Variants in DMXL1 observed in about 807,000 individuals in gnomAD.
DMXL1 encodes the protein Dmx like 1, also known as dmX-like protein 1.
In DMXL1, 99 loss-of-function variants were observed where a neutral mutation model predicts 319.2. The ratio of observed to expected loss-of-function variants is 0.31; its 90% CI spans 0.26 to 0.37. DMXL1 has a LOEUF of 0.37. DMXL1 is among the 10% of genes least tolerant of loss of function. The pLI is 1.00. For missense variants in DMXL1, 3,745 were observed against 3,595.6 expected, an observed-to-expected ratio of 1.04 and a Z score of -1.06; for synonymous variants, 1,385 against 1,235.2, an observed-to-expected ratio of 1.12 and a Z score of -2.54.
rs149986724 is a variant in DMXL1 at position 119,149,134 on chromosome 5, A to G, written c.3307A>G (p.Ser1103Gly). Residue 1103 changes from serine to glycine, a missense_variant, in exon 18 of 44, where the codon AGC (serine) becomes GGC (glycine). By Grantham distance (56) the Ser-to-Gly change is moderately conservative. Around this residue, in one of 4 missense-constraint regions of DMXL1, gnomAD observed 2,096 missense variants for 1,985.4 expected, o/e 1.06. Coordinates refer to ENST00000539542, the MANE Select transcript of DMXL1 (RefSeq NM_001290321.3). The part of the protein sequence containing the change: ...LEQTIHLDEL[S>G]TVLDSGISVD... ...GCAGACAATTCATTTAGATGAGTTAAGCACAGTATTGGATTCTGGCATTAG... is the reference window on the plus strand; with the variant it reads ...GCAGACAATTCATTTAGATGAGTTAGGCACAGTATTGGATTCTGGCATTAG... The G allele has an allele frequency of 5.0e-6, 8 of 1,613,882 alleles. No homozygotes were observed. The African/African-American group carries it at 6.7e-5, about 13-fold the overall frequency.
At chr5:119,098,126 T>C (rs201016450) in intron 2 of DMXL1, 22 bp downstream of exon 2, 1,007 of 1,593,344 alleles carry the variant, frequency 6.3e-4, no homozygotes, top group Admixed American at 1.6e-3. Flanking sequence ...TCTTCTAATA[T>C]ACAAATTTGT....
intron 8 of DMXL1, among the ~76,000 whole-genome samples, chr5:119,119,629 A>G (rs907198291): frequency 6.7e-5 from 10 of 149,862 alleles, no homozygotes; most frequent in Non-Finnish European, 1.2e-4. Flanking sequence ...CTGGCCTTAG[A>G]CTCCTGAGTA....
At chr5:119,205,840 T>A (rs1450842906) in intron 33 of DMXL1, among the ~76,000 whole-genome samples, 1 of 152,106 alleles carries the variant, frequency 6.6e-6, no homozygotes, top group Non-Finnish European at 1.5e-5. Context: ...TCACCTTCCA[T>A]CTCTTATTTT....
intron 38 of DMXL1, among the ~76,000 whole-genome samples, chr5:119,227,588 G>A (rs545318518): frequency 9.9e-5 from 15 of 152,060 alleles, no homozygotes; most frequent in African/African-American, 3.6e-4. Context: ...GACTATATAT[G>A]TACAGTACCA....
chr5:119,112,560 G>A (rs933503717), intron 5 of DMXL1, among the ~76,000 whole-genome samples: 2 of 152,324 alleles, frequency 1.3e-5, no homozygotes, highest in South Asian at 2.1e-4. Context: ...AGAATTTACA[G>A]AGGAGATTTC....
At chr5:119,240,128 C>T (rs1290963151) in intron 41 of DMXL1, among the ~76,000 whole-genome samples, 1 of 152,008 alleles carries the variant, frequency 6.6e-6, no homozygotes, top group Non-Finnish European at 1.5e-5. Flanking sequence ...AAAAAATTAG[C>T]CAGACATGGT....
intron 10 of DMXL1, among the ~76,000 whole-genome samples, chr5:119,129,997 C>T (rs1237682384): frequency 6.6e-6 from 1 of 152,118 alleles, no homozygotes; most frequent in Non-Finnish European, 1.5e-5. Flanking sequence ...GTTCCTGACT[C>T]TGTAGCCTTT....
intron 9 of DMXL1, chr5:119,127,627 T>A (rs1406495579): frequency 5.9e-6 from 1 of 168,564 alleles, no homozygotes; most frequent in Non-Finnish European, 1.3e-5. Flanking sequence ...TTAGTAGAGA[T>A]GGGGTTTCGT....
intron 39 of DMXL1, chr5:119,236,307 A>T (rs538908589): frequency 6.6e-6 from 1 of 152,080 alleles, no homozygotes; most frequent in South Asian, 2.1e-4. Flanking sequence ...GGCATAGTCT[A>T]TTAATTTTAA....
chr5:119,172,455 G>A (rs1222216379), intron 25 of DMXL1, among the ~76,000 whole-genome samples: 1 of 152,176 alleles, frequency 6.6e-6, no homozygotes, highest in African/African-American at 2.4e-5. Context: ...ATCAGCTGCA[G>A]TGCTTGTTAA....
chr5:119,087,456 TG>T (rs1298512951), intron 1 of DMXL1, among the ~76,000 whole-genome samples: 1 of 152,202 alleles, frequency 6.6e-6, no homozygotes, highest in Non-Finnish European at 1.5e-5. Context: ...GGAGCATATT[TG>T]TGAAGTTTCC....
intron 28 of DMXL1, among the ~76,000 whole-genome samples, chr5:119,188,312 T>G (rs946402592): frequency 1.3e-5 from 2 of 152,308 alleles, no homozygotes; most frequent in African/African-American, 4.8e-5. Context: ...CACAAGCCTG[T>G]AGTCCCAGCT....
At chr5:119,179,131 A>G (rs952338193) in intron 28 of DMXL1, among the ~76,000 whole-genome samples, 64 of 152,272 alleles carry the variant, frequency 4.2e-4, no homozygotes, top group African/African-American at 1.5e-3. Context: ...ATCCCCGTTT[A>G]AAAACTTTCT....
At chr5:119,227,849 A>G (rs989464559) in intron 38 of DMXL1, among the ~76,000 whole-genome samples, 26 of 152,176 alleles carry the variant, frequency 1.7e-4, no homozygotes, top group Non-Finnish European at 2.9e-5. Context: ...AAATAACTAT[A>G]TTGCCATGAA....
intron 18 of DMXL1, among the ~76,000 whole-genome samples, chr5:119,151,164 C>A (rs896583476): frequency 2.6e-5 from 4 of 151,588 alleles, no homozygotes; most frequent in African/African-American, 9.7e-5. Flanking sequence ...TTTAAATTAG[C>A]ATTAATGTAT....
chr5:119,182,754 T>C (rs1338690748), intron 28 of DMXL1, among the ~76,000 whole-genome samples: 1 of 152,166 alleles, frequency 6.6e-6, no homozygotes, highest in Non-Finnish European at 1.5e-5. Flanking sequence ...ACATTATATA[T>C]TAATGAAGAG....
intron 7 of DMXL1, 133 bp downstream of exon 7, chr5:119,116,469 G>A (rs1190733047): frequency 2.2e-5 from 21 of 959,338 alleles, no homozygotes; most frequent in Admixed American, 2.5e-5. Context: ...ATATTAAATC[G>A]TCTCTGGCCT....
At position 119,149,632 on chromosome 5, in the gene DMXL1, A is replaced by G. The variant is rs986325061; in HGVS notation, c.3805A>G (p.Ser1269Gly). ...TPSITSLIKQ[S>G]NSSSGLHPPK... ...ATCTATAACAAGTTTAATAAAACAG[A>G]GTAACTCCAGTTCTGGGTTACATCC... The change falls in exon 18 of 44, where the codon AGT becomes GGT. Residue 1269 changes from serine to glycine, a missense_variant. Around this residue, in one of 4 missense-constraint regions of DMXL1, gnomAD observed 2,096 missense variants for 1,985.4 expected, o/e 1.06. Transcript: ENST00000539542. 2 of 1,613,764 alleles carry G rather than the reference A, an allele frequency of 1.2e-6. No individual in the cohort carries two copies. The highest frequency in any genetic ancestry group is 1.3e-5 in the African/African-American group (1 of 74,906).
chr5:119,104,025 T>G (rs1016926119), intron 3 of DMXL1: 1 of 152,250 alleles, frequency 6.6e-6, no homozygotes, highest in African/African-American at 2.4e-5. Flanking sequence ...GGTGAAGTTA[T>G]AGACTTGAAA....
Sources: gnomAD v4.1 joint callset for allele counts (sites outside exome capture counted in the v4.1 genomes callset) on GRCh38, gnomAD v4.1.1 for gene constraint, gnomAD v4.1.1 regional missense constraint, MANE v1.5 for transcripts, NCBI Gene and HGNC (gene_info 2026-07-23, HGNC 2026-07-21) for gene names.